The following METTL2A variants were observed in gnomAD, a reference collection of about 807,000 sequenced individuals.
The protein encoded by METTL2A is tRNA N(3)-cytidine methyltransferase METTL2A.
Under a neutral mutation model 49.4 loss-of-function variants are expected in METTL2A, and 45 were observed. The ratio of observed to expected loss-of-function variants is 0.91; its 90% confidence interval spans 0.72 to 1.17. The LOEUF (loss-of-function observed/expected upper bound fraction) is 1.17. METTL2A is among the 50% of genes most tolerant of loss of function. METTL2A has a pLI of 0.00. For synonymous variants in METTL2A, 118 were observed against 167.5 expected (o/e 0.70, Z 2.28); for missense variants, 361 against 462.2 (o/e 0.78, Z 2.01).
chr17:62,446,159 G>T (rs2144157483), intron 7 of METTL2A, among the ~76,000 whole-genome samples: 1 of 151,396 alleles, frequency 6.6e-6, no homozygotes, highest in South Asian at 2.1e-4. Flanking sequence ...AATTGTTACA[G>T]CCTTTTTTTT....
chr17:62,443,456 A>C (rs534655545), intron 6 of METTL2A, among the ~76,000 whole-genome samples: 371 of 152,338 alleles, frequency 2.4e-3, no homozygotes, highest in African/African-American at 8.2e-3. Flanking sequence ...AATTATTAAA[A>C]TTTAAAATTC....
intron 4 of METTL2A, among the ~76,000 whole-genome samples, chr17:62,431,252 C>T (rs1170302385): frequency 6.6e-6 from 1 of 152,138 alleles, no homozygotes; most frequent in Non-Finnish European, 1.5e-5. Flanking sequence ...CCACCCACGT[C>T]GGCCTCCCAA....
intron 8 of METTL2A, among the ~76,000 whole-genome samples, chr17:62,448,119 C>A (rs1266749765): frequency 6.6e-6 from 1 of 152,146 alleles, no homozygotes; most frequent in Non-Finnish European, 1.5e-5. Context: ...CAGGGTGAAC[C>A]CTGGGTTCTA....
At chr17:62,434,845 G>A (rs1272729504) in intron 4 of METTL2A, 1 of 219,798 alleles carries the variant, frequency 4.5e-6, no homozygotes, top group Non-Finnish European at 9.2e-6. Context: ...ATGTGGTGGG[G>A]GCCAACAGAC....
intron 4 of METTL2A, among the ~76,000 whole-genome samples, chr17:62,429,324 T>A (rs989781630): frequency 6.6e-6 from 1 of 152,158 alleles, no homozygotes; most frequent in South Asian, 2.1e-4. Context: ...AGAGTCTTGC[T>A]TCATCACCCA....
intron 8 of METTL2A, 56 bp downstream of exon 8, chr17:62,447,822 T>G (rs2070779416): frequency 1.2e-6 from 2 of 1,607,062 alleles, no homozygotes; most frequent in African/African-American, 2.7e-5. Context: ...TGAGATGGTC[T>G]TCAAGGCACG....
chr17:62,448,824 C>T lies in METTL2A; in HGVS notation c.*95C>T. On this transcript the variant is annotated 3_prime_UTR_variant, in exon 9 of 9. Coordinates refer to ENST00000311506, the MANE Select transcript of METTL2A (RefSeq NM_181725.4). ...ACTGGGCGTGGTGCATGCCTGTAAT[C>T]CCAGCCACTCAGGAGGCTGAGGCGG... The T allele has an allele frequency of 6.5e-7, 1 of 1,537,444 alleles. No individual in the cohort carries two copies. The highest frequency in any genetic ancestry group is 8.8e-7 in the Non-Finnish European group (1 of 1,141,346).
chr17:62,426,906 G>A (rs139913524), intron 3 of METTL2A, among the ~76,000 whole-genome samples: 5,131 of 152,242 alleles, frequency 0.034, 299 homozygotes, highest in African/African-American at 0.12. Flanking sequence ...TTGTATTAAT[G>A]GCATCATGCT....
rs34417908 is a variant in METTL2A, at chr17:62,450,247, C to CTTTT, written c.*1544_*1547dup. ...TGTGATCATTATCAGTGTTAGATGC[C>CTTTT]TTTTTTTTTTTTTTTTTTTTTTTTT... On this transcript the variant is annotated 3_prime_UTR_variant, in exon 9 of 9. Transcript: ENST00000311506. 6.1e-4 allele frequency: 49 copies of CTTTT among 80,512 alleles called. 6 individuals carry two copies. The highest frequency in any genetic ancestry group is 2.9e-3 in the African/African-American group (47 of 15,972). The allele number at this position is 80,512 out of a possible 1,614,324, so 5.0% of individuals were successfully genotyped here.
At chr17:62,448,512 G>A (rs574714875) in intron 8 of METTL2A, 63 bp from the exon 9 acceptor site, 6 of 1,593,730 alleles carry the variant, frequency 3.8e-6, no homozygotes, top group Non-Finnish European at 4.3e-6. Flanking sequence ...CAAGGACTTA[G>A]TAGATAAAAA....
Position 62,451,733 on chromosome 17 carries a change from A to G in METTL2A, c.*3004A>G, listed in dbSNP as rs1434060151. Reference sequence around the variant, plus strand: ...ATGGAGAAACCCCGTCTCTACTAAAAATACAAAATAGCCAGGTGTGATGGC... The same window carrying G: ...ATGGAGAAACCCCGTCTCTACTAAAGATACAAAATAGCCAGGTGTGATGGC... On this transcript the variant is annotated 3_prime_UTR_variant, in exon 9 of 9. Coordinates refer to ENST00000311506, the MANE Select transcript of METTL2A (RefSeq NM_181725.4). Among the ~76,000 whole-genome samples, 2 of 152,028 alleles carry G rather than the reference A, an allele frequency of 1.3e-5. No individual in the cohort carries two copies. The highest frequency in any genetic ancestry group is 4.8e-5 in the African/African-American group (2 of 41,424).
At chr17:62,431,353 G>T (rs1345421267) in intron 4 of METTL2A, among the ~76,000 whole-genome samples, 1 of 150,944 alleles carries the variant, frequency 6.6e-6, no homozygotes, top group East Asian at 2.0e-4. Context: ...CCTATTGCCT[G>T]GATCCTTTTT....
chr17:62,432,369 T>C (rs1288134858), intron 4 of METTL2A, among the ~76,000 whole-genome samples: 1 of 152,172 alleles, frequency 6.6e-6, no homozygotes, highest in Non-Finnish European at 1.5e-5. Context: ...CAATCATGGA[T>C]TGAAAATAAA....
At chr17:62,440,561 T>C in intron 5 of METTL2A, 56 bp from the exon 6 acceptor site, 3 of 1,539,694 alleles carry the variant, frequency 1.9e-6, no homozygotes, top group Non-Finnish European at 2.6e-6. Flanking sequence ...AGATAATCTT[T>C]TCTTTAGGCT....
In METTL2A at chr17:62,440,731, G is replaced by T; in HGVS notation, c.784G>T (p.Val262Phe). ...TCTTGATATTATCATTCTCATATTT[G>T]TTCTTTCAGCAATTGTTCCAGACAA... ...GSLDIIILIF[V>F]LSAIVPDKMQ... The change falls in exon 6 of 9, where the codon GTT becomes TTT. Residue 262 changes from valine to phenylalanine, a missense_variant. Val to Phe is a conservative substitution (Grantham distance 50). Around this residue, in one of 3 missense-constraint regions of METTL2A, gnomAD observed 183 missense variants for 216.5 expected, o/e 0.85. Coordinates refer to ENST00000311506, the MANE Select transcript of METTL2A (RefSeq NM_181725.4). 1.2e-6 allele frequency: 2 copies of T among 1,613,820 alleles called. No individual in the cohort carries two copies. Among genetic ancestry groups the T allele is most frequent in the Non-Finnish European group, 1.7e-6 (2 of 1,179,938 alleles).
In METTL2A at chr17:62,452,488, A is replaced by G. The variant is rs2144166144; in HGVS notation, c.*3759A>G. Reference sequence around the variant, plus strand: ...GCTGCTTTTTGGCTGAATAACTATGATAGTTGCCAAATAGTGGTTTCTGAT... The same window carrying G: ...GCTGCTTTTTGGCTGAATAACTATGGTAGTTGCCAAATAGTGGTTTCTGAT... On this transcript the variant is annotated 3_prime_UTR_variant, in exon 9 of 9. Transcript: ENST00000311506. Among the ~76,000 whole-genome samples the G allele has an allele frequency of 6.6e-6, 1 of 152,278 alleles. No individual in the cohort carries two copies. Among genetic ancestry groups the G allele is most frequent in the Middle Eastern group, 3.4e-3 (1 of 294 alleles).
intron 6 of METTL2A, among the ~76,000 whole-genome samples, chr17:62,441,545 C>T (rs1390705179): frequency 6.6e-6 from 1 of 152,078 alleles, no homozygotes; most frequent in South Asian, 2.1e-4. Context: ...CTCCCCGGTT[C>T]ACACAATTCT....
intron 7 of METTL2A, among the ~76,000 whole-genome samples, chr17:62,446,030 A>G (rs2070766098): frequency 6.6e-6 from 1 of 152,248 alleles, no homozygotes; most frequent in South Asian, 2.1e-4. Context: ...TTCACAGAAG[A>G]ACATATCTAA....
chr17:62,425,096 T>C (rs2070614599), intron 2 of METTL2A, among the ~76,000 whole-genome samples: 1 of 151,158 alleles, frequency 6.6e-6, no homozygotes, highest in African/African-American at 2.4e-5. Context: ...TTAAAGACAC[T>C]TGGACCACAG....
Sources: allele counts gnomAD v4.1 joint callset (sites outside exome capture counted in the v4.1 genomes callset), GRCh38; gene constraint gnomAD v4.1.1; regional missense constraint gnomAD v4.1.1; transcripts MANE v1.5; gene names NCBI Gene and HGNC (gene_info 2026-07-23, HGNC 2026-07-21).